PUDP: variants seen among roughly 807,000 people sequenced by gnomAD.
The protein encoded by PUDP is pseudouridine 5'-phosphatase.
PUDP carries 8 observed loss-of-function variants against 9.4 expected under a neutral mutation model. The ratio of observed to expected loss-of-function variants is 0.85; its 90% confidence interval spans 0.50 to 1.53. The LOEUF (loss-of-function observed/expected upper bound fraction) is 1.53, where lower values mean the gene tolerates loss of function less well. Among genes scored for constraint, PUDP ranks in the 40% most tolerant of loss-of-function variants. PUDP has a pLI of 0.00. For missense variants in PUDP, 188 were observed against 189.7 expected (o/e 0.99, Z 0.05); for synonymous variants, 99 against 80.7 (o/e 1.23, Z -1.22).
chrX:7,057,541 G>C, intron 3 of PUDP: 1 of 796,325 alleles, frequency 1.3e-6, no homozygotes, highest in Non-Finnish European at 1.7e-6. Flanking sequence ...AAGCCTGATG[G>C]AGAAGCTGAT....
intron 3 of PUDP, among the ~76,000 whole-genome samples, chrX:6,742,002 C>T (rs775795220): frequency 9.0e-6 from 1 of 110,559 alleles, no homozygotes; most frequent in Non-Finnish European, 1.9e-5. Context: ...ATTACAGGCA[C>T]ATGGCACCAC....
intron 2 of PUDP, among the ~76,000 whole-genome samples, chrX:7,094,747 G>A (rs1303715132): frequency 1.2e-4 from 13 of 111,786 alleles, no homozygotes; most frequent in African/African-American, 4.2e-4. Context: ...TCCTCCCTAC[G>A]ATCATAAATT....
chrX:6,894,687 G>C (rs1447092934), intron 3 of PUDP, among the ~76,000 whole-genome samples: 2 of 111,403 alleles, frequency 1.8e-5, no homozygotes, highest in Admixed American at 1.9e-4. Context: ...AAAGGTATAG[G>C]AACAGGACAG....
intron 1 of PUDP, among the ~76,000 whole-genome samples, chrX:6,996,494 T>A (rs1056585275): frequency 3.6e-4 from 39 of 109,478 alleles, no homozygotes; most frequent in African/African-American, 1.3e-3. Context: ...ATGGCTGTGG[T>A]CTTTTCACAA....
intron 3 of PUDP, among the ~76,000 whole-genome samples, chrX:6,911,941 C>T (rs746772944): frequency 9.0e-6 from 1 of 111,442 alleles, no homozygotes; most frequent in East Asian, 2.8e-4. Context: ...TTCCTATAAC[C>T]TTAGTATTTT....
At chrX:7,051,169 C>A (rs941168017) in intron 3 of PUDP, among the ~76,000 whole-genome samples, 1 of 111,193 alleles carries the variant, frequency 9.0e-6, no homozygotes, top group Admixed American at 9.6e-5. Flanking sequence ...CACCAATGAG[C>A]GGATAAAGAA....
At chrX:7,126,819 T>C (rs1932497904) in intron 1 of PUDP, among the ~76,000 whole-genome samples, 1 of 111,682 alleles carries the variant, frequency 9.0e-6, no homozygotes. Context: ...CTACTTGGTT[T>C]TTTTAATTTT....
intron 3 of PUDP, among the ~76,000 whole-genome samples, chrX:6,933,005 G>A (rs1386337235): frequency 2.7e-5 from 3 of 110,351 alleles, no homozygotes; most frequent in South Asian, 7.8e-4. Context: ...GCTCAAGGAG[G>A]CCTGCCTGCC....
At position 6,745,208 on chromosome X, in the gene PUDP, C is replaced by T. The variant is rs182458876; in HGVS notation, c.*248-38742G>A. 4.5e-3 allele frequency among the ~76,000 whole-genome samples: 504 copies of T among 111,778 alleles called. 1 individual carries two copies. The highest frequency in any genetic ancestry group is 0.016 in the African/African-American group (488 of 30,776). ...AAATTAAAACTCTACCATGCAGCTG[C>T]GCACTAACTGAATTCTCTCTGGCAC... On this transcript the variant is annotated intron_variant and NMD_transcript_variant, in intron 3 of 3. Coordinates refer to the PUDP transcript ENST00000655425.
intron 3 of PUDP, among the ~76,000 whole-genome samples, chrX:6,838,132 C>T (rs903539267): frequency 1.1e-4 from 12 of 112,413 alleles, no homozygotes; most frequent in African/African-American, 3.5e-4. Flanking sequence ...TTATCCCCCT[C>T]GCCAGTGAGG....
At chrX:7,016,369 T>C (rs1695793861) in intron 1 of PUDP, among the ~76,000 whole-genome samples, 1 of 110,445 alleles carries the variant, frequency 9.1e-6, no homozygotes, top group African/African-American at 3.3e-5. Context: ...TATGAGAATC[T>C]CTATTTTTTA....
At chrX:7,113,139 G>A (rs1186971490) in intron 1 of PUDP, 1 of 112,757 alleles carries the variant, frequency 8.9e-6, no homozygotes, top group African/African-American at 3.2e-5. Context: ...CAGCCCCCAT[G>A]CTGCTGCAGA....
chrX:7,100,146 T>C (rs781552398), intron 2 of PUDP, among the ~76,000 whole-genome samples: 9 of 73,990 alleles, frequency 1.2e-4, no homozygotes, highest in East Asian at 4.4e-4. Context: ...TCCTCGGTGA[T>C]TGGCCAAGAC....
At chrX:7,146,642 A>G (rs1185295969) in intron 1 of PUDP, among the ~76,000 whole-genome samples, 1 of 110,633 alleles carries the variant, frequency 9.0e-6, no homozygotes, top group Non-Finnish European at 1.9e-5. Context: ...TGGTTTCTGC[A>G]TGCCTTTTTA....
At chrX:6,933,858 G>A (rs1033880379) in intron 3 of PUDP, among the ~76,000 whole-genome samples, 4 of 111,456 alleles carry the variant, frequency 3.6e-5, no homozygotes, top group Admixed American at 2.9e-4. Context: ...GAGCCGATGC[G>A]ATCAACTGCA....
At chrX:6,858,092 G>T (rs932726763) in intron 3 of PUDP, among the ~76,000 whole-genome samples, 2 of 111,243 alleles carry the variant, frequency 1.8e-5, no homozygotes, top group Admixed American at 9.6e-5. Context: ...ATGGGAGACA[G>T]CAGGAGATGA....
intron 3 of PUDP, among the ~76,000 whole-genome samples, chrX:6,756,826 G>A (rs1445655459): frequency 1.8e-5 from 2 of 111,923 alleles, no homozygotes; most frequent in Non-Finnish European, 3.8e-5. Flanking sequence ...AAGAAAGACT[G>A]AGAAAATAAA....
At chrX:6,834,317 T>C (rs1926550495) in intron 3 of PUDP, among the ~76,000 whole-genome samples, 1 of 112,019 alleles carries the variant, frequency 8.9e-6, no homozygotes, top group East Asian at 2.8e-4. Flanking sequence ...TTCTTCATGT[T>C]CTCTAATCAT....
chrX:6,779,724 G>T (rs1925526311), intron 3 of PUDP, among the ~76,000 whole-genome samples: 1 of 111,412 alleles, frequency 9.0e-6, no homozygotes, highest in African/African-American at 3.3e-5. Context: ...GAGCCCAGGA[G>T]TTCAAGACCA....
Sources: allele counts gnomAD v4.1 joint callset (sites outside exome capture counted in the v4.1 genomes callset), GRCh38; gene constraint gnomAD v4.1.1; transcripts MANE v1.5; gene names NCBI Gene and HGNC (gene_info 2026-07-23, HGNC 2026-07-21).